RASA3: variants seen among roughly 807,000 people sequenced by gnomAD.
The protein encoded by RASA3 is ras GTPase-activating protein 3.
RASA3 carries 73 observed loss-of-function variants against 110.0 expected under a neutral mutation model. That is an observed-to-expected ratio of 0.66 (90% confidence interval 0.55 to 0.81). The LOEUF is 0.81. RASA3 is among the 30% of genes least tolerant of loss of function. RASA3 has a pLI of 0.00. For synonymous variants in RASA3, 500 were observed against 451.4 expected (o/e 1.11, Z -1.37); for missense variants, 976 against 1,113.2 (o/e 0.88, Z 1.75).
chr13:114,013,982 C>T (rs1310137999), intron 14 of RASA3, among the ~76,000 whole-genome samples: 1 of 148,688 alleles, frequency 6.7e-6, no homozygotes, highest in Non-Finnish European at 1.5e-5. Context: ...GTCTCGATCT[C>T]TCTCTCCATC....
At chr13:114,002,826 G>C (rs2053435223) in intron 18 of RASA3, among the ~76,000 whole-genome samples, 1 of 152,204 alleles carries the variant, frequency 6.6e-6, no homozygotes, top group Non-Finnish European at 1.5e-5. Context: ...GGGGAGGCAG[G>C]AGCCACGGCT....
intron 1 of RASA3, among the ~76,000 whole-genome samples, chr13:114,131,519 A>T (rs2080519533): frequency 6.6e-6 from 1 of 152,212 alleles, no homozygotes; most frequent in Admixed American, 6.5e-5. Context: ...GTCCAGACAC[A>T]GCCTCCTCTC....
intron 2 of RASA3, among the ~76,000 whole-genome samples, chr13:114,055,065 C>T (rs2079217490): frequency 6.6e-6 from 1 of 152,004 alleles, no homozygotes; most frequent in Admixed American, 6.6e-5. Flanking sequence ...TACGTGTGTG[C>T]CCACAGGCAC....
intron 4 of RASA3, among the ~76,000 whole-genome samples, chr13:114,032,444 T>C (rs1276829844): frequency 2.0e-5 from 3 of 152,156 alleles, no homozygotes; most frequent in Admixed American, 6.5e-5. Context: ...TACTGATTTA[T>C]GACTTTGCCA....
chr13:114,004,343 T>C (rs564291871), intron 18 of RASA3, among the ~76,000 whole-genome samples: 12 of 132,184 alleles, frequency 9.1e-5, no homozygotes, highest in Non-Finnish European at 3.1e-5. Context: ...ACAGCCACAA[T>C]TTAGAAGGAA....
In RASA3 at chr13:113,978,982, G is replaced by C. The variant is rs1228380798; in HGVS notation, c.*365C>G. 1 of 304,954 alleles carries C rather than the reference G, an allele frequency of 3.3e-6. No individual in the cohort carries two copies. 18.9% of individuals were successfully genotyped at this position (304,954 alleles called of 1,614,324 possible). ...ACGTGCACGAGACTGACGCACACAC[G>C]GCCGGAGGTGCATGTCACAGTCGAC... On this transcript the variant is annotated 3_prime_UTR_variant, in exon 24 of 24. Transcript: ENST00000334062.
At chr13:114,052,800 T>TA (rs1345829475) in intron 2 of RASA3, among the ~76,000 whole-genome samples, 7 of 142,790 alleles carry the variant, frequency 4.9e-5, no homozygotes, top group Admixed American at 6.9e-5. Flanking sequence ...TGACTGTACT[T>TA]AGAGTCCTCG....
chr13:114,056,563 T>C lies in RASA3; in HGVS notation c.174-4408A>G, dbSNP rs541113939. On this transcript the variant is annotated intron_variant, in intron 2 of 23. Transcript: ENST00000334062. This position sits in a 1 kb window ranked among gnomAD's most constrained non-coding sequence, Gnocchi z 5.7. ...GCTCTGCACAAGTGGCTCCTCTCTCTGTAACTCTGCTTGGCAGTGGGGGGC... is the reference window on the plus strand; with the variant it reads ...GCTCTGCACAAGTGGCTCCTCTCTCCGTAACTCTGCTTGGCAGTGGGGGGC... The C allele has an allele frequency of 7.5e-4, 740 of 984,516 alleles. No individual in the cohort carries two copies. The highest frequency in any genetic ancestry group is 8.6e-4 in the Non-Finnish European group (711 of 829,782). The allele number at this position is 984,516 out of a possible 1,614,324, so 61.0% of individuals were successfully genotyped here.
At chr13:114,123,828 ACG>A (rs1316519678) in intron 1 of RASA3, among the ~76,000 whole-genome samples, 2 of 152,218 alleles carry the variant, frequency 1.3e-5, no homozygotes, top group Non-Finnish European at 2.9e-5. Flanking sequence ...AAGGATCCCC[ACG>A]GTGTCTAGGA....
At position 113,978,521 on chromosome 13, in the gene RASA3, T is replaced by C. The variant is rs2052830526; in HGVS notation, c.*826A>G. On this transcript the variant is annotated 3_prime_UTR_variant, in exon 24 of 24. Transcript: ENST00000334062. ...GCTTGAAAAATGTACATTTCTATTT[T>C]TAAAATCTTCAAACTTCCACGGGGG... The C allele has an allele frequency of 6.6e-6, 1 of 152,248 alleles. No homozygotes were observed. Among genetic ancestry groups the C allele is most frequent in the South Asian group, 2.1e-4 (1 of 4,836 alleles). The allele number at this position is 152,248 out of a possible 1,614,324, so 9.4% of individuals were successfully genotyped here. A position where few individuals can be genotyped will look rare whatever the true frequency, so the allele number is the denominator to read the frequency against.
At chr13:114,087,851 C>T (rs114054155) in intron 1 of RASA3, among the ~76,000 whole-genome samples, 2,518 of 152,340 alleles carry the variant, frequency 0.017, 72 homozygotes, top group African/African-American at 0.057. Context: ...GATAATGAGC[C>T]GGGCGCGGTG....
At position 114,103,901 on chromosome 13, in the gene RASA3, C is replaced by A. The variant is rs12860927; in HGVS notation, c.55+28534G>T. On this transcript the variant is annotated intron_variant, in intron 1 of 23. Transcript: ENST00000334062. The stretch of plus-strand genomic sequence containing the variant: ...CCACCCCTGATGCGTCCACACTGCC[C>A]CGGCCACGGACACCCACCCCCGATG... Among the ~76,000 whole-genome samples, 103 of 87,166 alleles carry A rather than the reference C, an allele frequency of 1.2e-3. 1 individual carries two copies. Among genetic ancestry groups the A allele is most frequent in the African/African-American group, 4.0e-3 (81 of 20,360 alleles). 57.2% of individuals were successfully genotyped at this position (87,166 alleles called of 152,430 possible). A position where few individuals can be genotyped will look rare whatever the true frequency, so the allele number is the denominator to read the frequency against.
At chr13:114,052,176 GC>G in intron 2 of RASA3, 21 bp from the exon 3 acceptor site, 1 of 1,564,078 alleles carries the variant, frequency 6.4e-7, no homozygotes, top group Non-Finnish European at 8.8e-7. Flanking sequence ...AAAGAAAAGC[GC>G]CAGTTAGAAC....
At chr13:114,043,166 C>A (rs2054451433) in intron 3 of RASA3, among the ~76,000 whole-genome samples, 1 of 152,172 alleles carries the variant, frequency 6.6e-6, no homozygotes, top group Non-Finnish European at 1.5e-5. Flanking sequence ...CAGCTCAGCA[C>A]CAGCTCCAGA....
chr13:114,016,241 C>A lies in RASA3; in HGVS notation c.1237G>T (p.Asp413Tyr). Residue 413 changes from aspartate to tyrosine, a missense_variant, in exon 13 of 24, where the codon GAC becomes TAC. This residue lies in a region of RASA3 where 732 missense variants were observed against 779.7 expected (regional missense o/e 0.94). Transcript: ENST00000334062. ...TCTCCGTCTTTCAACTTCACAGGGT[C>A]GATTTCACAGGGTTTGTGGCTCTGG... ...ICQSHKPCEI[D>Y]PVKLKDGENL... The A allele has an allele frequency of 1.9e-6, 3 of 1,602,528 alleles. No individual in the cohort carries two copies. The highest frequency in any genetic ancestry group is 1.1e-5 in the South Asian group (1 of 90,828).
intron 23 of RASA3, among the ~76,000 whole-genome samples, chr13:113,981,397 CAG>C (rs925365711): frequency 2.0e-5 from 3 of 152,238 alleles, no homozygotes; most frequent in Non-Finnish European, 4.4e-5. Flanking sequence ...ACCAGTATAG[CAG>C]AGAGGCTGGG....
chr13:114,012,063 G>A (rs2053646792), intron 15 of RASA3, among the ~76,000 whole-genome samples: 1 of 152,014 alleles, frequency 6.6e-6, no homozygotes, highest in Non-Finnish European at 1.5e-5. Flanking sequence ...CAACCACATT[G>A]GGGCCTGGAG....
chr13:114,051,008 G>C (rs575626810), intron 3 of RASA3, among the ~76,000 whole-genome samples: 3 of 152,342 alleles, frequency 2.0e-5, no homozygotes, highest in South Asian at 4.1e-4. Flanking sequence ...GCGTGGGGTG[G>C]AGCGGCCGTG....
intron 21 of RASA3, among the ~76,000 whole-genome samples, chr13:113,993,574 G>A (rs372523554): frequency 5.9e-5 from 9 of 151,810 alleles, no homozygotes; most frequent in African/African-American, 2.2e-4. Flanking sequence ...TTGGGAGGCC[G>A]AGGCAGGTGG....
Sources: allele counts gnomAD v4.1 joint callset (sites outside exome capture counted in the v4.1 genomes callset), GRCh38; gene constraint gnomAD v4.1.1; regional missense constraint gnomAD v4.1.1; non-coding constraint Gnocchi (gnomAD v3.1); transcripts MANE v1.5; gene names NCBI Gene and HGNC (gene_info 2026-07-23, HGNC 2026-07-21).